CD38: variants seen among roughly 807,000 people sequenced by gnomAD.
CD38 encodes the protein ADP-ribosyl cyclase/cyclic ADP-ribose hydrolase 1.
CD38 carries 31 observed loss-of-function variants against 36.3 expected under a neutral mutation model. The observed-to-expected ratio is 0.85, with a 90% CI of 0.64 to 1.15. The LOEUF (loss-of-function observed/expected upper bound fraction) is 1.15, where lower values mean the gene tolerates loss of function less well. CD38 is among the 50% of genes most tolerant of loss of function. The pLI is 0.00. For synonymous variants in CD38, 131 were observed against 135.2 expected (o/e 0.97, Z 0.22); for missense variants, 380 against 371.9 (o/e 1.02, Z -0.18).
chr4:15,820,526 AG>A (rs1723709916), intron 2 of CD38, among the ~76,000 whole-genome samples: 1 of 152,224 alleles, frequency 6.6e-6, no homozygotes, highest in Non-Finnish European at 1.5e-5. Context: ...AGAAAAGAGC[AG>A]GGGTTGCAAT....
chr4:15,838,359 A>C (rs1724117222), intron 5 of CD38, among the ~76,000 whole-genome samples, 194 bp downstream of exon 5: 1 of 152,172 alleles, frequency 6.6e-6, no homozygotes, highest in African/African-American at 2.4e-5. Context: ...CTCCTTTGCC[A>C]AAAATTGTCT....
intron 2 of CD38, among the ~76,000 whole-genome samples, chr4:15,819,912 A>G (rs1723694956): frequency 6.6e-6 from 1 of 152,194 alleles, no homozygotes. Flanking sequence ...AAGATACTCC[A>G]TGAGAAGATC....
intron 1 of CD38, among the ~76,000 whole-genome samples, chr4:15,812,330 G>T (rs959507435): frequency 1.3e-5 from 2 of 152,202 alleles, no homozygotes; most frequent in African/African-American, 4.8e-5. Context: ...ATCTGCAAAA[G>T]AAGGAACTGG....
chr4:15,839,984 T>C (rs1724165937), intron 5 of CD38, 42 bp from the exon 6 acceptor site: 1 of 1,397,768 alleles, frequency 7.2e-7, no homozygotes, highest in African/African-American at 1.4e-5. Flanking sequence ...GATGCTTTCG[T>C]TTGGGGTTGA....
chr4:15,789,035 G>A (rs1291586289), intron 1 of CD38, among the ~76,000 whole-genome samples: 1 of 152,142 alleles, frequency 6.6e-6, no homozygotes, highest in Non-Finnish European at 1.5e-5. Flanking sequence ...AAATAGAAAA[G>A]ACAAATATAT....
intron 3 of CD38, among the ~76,000 whole-genome samples, chr4:15,829,493 G>A (rs1723917977): frequency 6.6e-6 from 1 of 151,942 alleles, no homozygotes; most frequent in Non-Finnish European, 1.5e-5. Flanking sequence ...ATAGCTGATG[G>A]GCTGAAAAAA....
chr4:15,790,748 C>G (rs574206806), intron 1 of CD38, among the ~76,000 whole-genome samples: 1 of 151,096 alleles, frequency 6.6e-6, no homozygotes, highest in Non-Finnish European at 1.5e-5. Flanking sequence ...TCTTCCCCGC[C>G]GCCATCCCAT....
chr4:15,785,930 C>T (rs922833044), intron 1 of CD38, among the ~76,000 whole-genome samples: 2 of 152,102 alleles, frequency 1.3e-5, no homozygotes, highest in African/African-American at 2.4e-5. Context: ...CTCGTGGTCT[C>T]GCTGGCTTCA....
In CD38 at chr4:15,778,811, G is replaced by A. The variant is rs557435430; in HGVS notation, c.233+164G>A. Among the ~76,000 whole-genome samples, 2 of 152,198 alleles carry A rather than the reference G, an allele frequency of 1.3e-5. No homozygotes were observed. Among genetic ancestry groups the A allele is most frequent in the East Asian group, 3.9e-4 (2 of 5,156 alleles). On this transcript the variant is annotated intron_variant, in intron 1 of 7. Transcript: ENST00000226279. The surrounding 1 kb of genome is among the most constrained non-coding windows in gnomAD (Gnocchi z 4.9). ...GGGAGTCCCGGGCTCGGGGCTCCGC[G>A]GGCCGCTTTCAGGAGCAGCTGGCCT...
chr4:15,827,589 T>G (rs1723875320), intron 3 of CD38, among the ~76,000 whole-genome samples: 1 of 152,174 alleles, frequency 6.6e-6, no homozygotes, highest in South Asian at 2.1e-4. Flanking sequence ...ATTTCCCTTT[T>G]AACAATGACT....
intron 3 of CD38, among the ~76,000 whole-genome samples, chr4:15,827,229 C>T (rs1445754776): frequency 2.0e-5 from 3 of 152,114 alleles, no homozygotes; most frequent in East Asian, 1.9e-4. Context: ...AAACTTTGCT[C>T]TTAACTGCCA....
chr4:15,781,047 G>A (rs1722685137), intron 1 of CD38, among the ~76,000 whole-genome samples: 1 of 152,150 alleles, frequency 6.6e-6, no homozygotes, highest in Non-Finnish European at 1.5e-5. Context: ...GGAGGAGGTA[G>A]CACTGAACCA....
intron 1 of CD38, among the ~76,000 whole-genome samples, chr4:15,811,274 A>G (rs1723463486): frequency 1.3e-5 from 2 of 152,186 alleles, no homozygotes; most frequent in Non-Finnish European, 2.9e-5. Context: ...TAATTTTGAT[A>G]AAGTGTAATT....
chr4:15,833,949 C>T (rs564706531), intron 3 of CD38, among the ~76,000 whole-genome samples: 8 of 152,318 alleles, frequency 5.3e-5, no homozygotes, highest in African/African-American at 1.9e-4. Context: ...TTGTCTCTGT[C>T]AGATGAACTT....
At chr4:15,820,649 T>C (rs1183254397) in intron 2 of CD38, among the ~76,000 whole-genome samples, 1 of 152,070 alleles carries the variant, frequency 6.6e-6, no homozygotes, top group African/African-American at 2.4e-5. Flanking sequence ...CTATCTTAAA[T>C]ATATATGTGC....
At chr4:15,788,872 T>A (rs963697028) in intron 1 of CD38, among the ~76,000 whole-genome samples, 1 of 152,224 alleles carries the variant, frequency 6.6e-6, no homozygotes, top group Non-Finnish European at 1.5e-5. Flanking sequence ...TAAAACTGGT[T>A]AATGTTTCTC....
intron 1 of CD38, among the ~76,000 whole-genome samples, chr4:15,815,171 C>T (rs1415728226): frequency 6.6e-6 from 1 of 152,124 alleles, no homozygotes; most frequent in African/African-American, 2.4e-5. Flanking sequence ...TTACTGTAGC[C>T]TTGTAGTACA....
chr4:15,779,841 T>C (rs1249201346), intron 1 of CD38, among the ~76,000 whole-genome samples: 2 of 152,094 alleles, frequency 1.3e-5, no homozygotes, highest in Non-Finnish European at 2.9e-5. Flanking sequence ...GATCTTTCAA[T>C]GTGAGTACAT....
chr4:15,837,949 T>G (rs111352479), intron 4 of CD38, 143 bp from the exon 5 acceptor site: 1 of 646,192 alleles, frequency 1.5e-6, no homozygotes, highest in African/African-American at 1.8e-5. Context: ...GGAATAAAAA[T>G]TGTGTAGACC....
Sources: gnomAD v4.1 joint callset for allele counts (sites outside exome capture counted in the v4.1 genomes callset) on GRCh38, gnomAD v4.1.1 for gene constraint, Gnocchi (gnomAD v3.1) non-coding constraint, MANE v1.5 for transcripts, NCBI Gene and HGNC (gene_info 2026-07-23, HGNC 2026-07-21) for gene names.